POFUT2: variants seen among roughly 807,000 people sequenced by gnomAD.
POFUT2 encodes the protein GDP-fucose protein O-fucosyltransferase 2.
POFUT2 carries 30 observed loss-of-function variants against 55.0 expected under a neutral mutation model. The observed-to-expected ratio is 0.55, with a 90% CI of 0.41 to 0.74. The LOEUF (loss-of-function observed/expected upper bound fraction) is 0.74, where lower values mean the gene tolerates loss of function less well. POFUT2 is among the 30% of genes least tolerant of loss of function. POFUT2 has a pLI of 0.00. For missense variants in POFUT2, 524 were observed against 562.6 expected (o/e 0.93, Z 0.69); for synonymous variants, 267 against 231.1 (o/e 1.16, Z -1.41).
rs140138066 is a variant in POFUT2 at position 45,275,787 on chromosome 21, G to A, written c.831+1230C>T. ...GATAAAAGACTACACATTGGGGACA[G>A]TGTACACTGCTCGGGTGATGGGTGT... On this transcript the variant is annotated intron_variant, in intron 6 of 8. Transcript: ENST00000349485. Among the ~76,000 whole-genome samples the A allele has an allele frequency of 6.2e-4, 94 of 152,286 alleles. 1 individual carries two copies. In the East Asian group the frequency reaches 0.017, roughly 28 times the overall value.
Position 45,282,568 on chromosome 21 carries a change from C to T in POFUT2, c.528-109G>A, listed in dbSNP as rs556908201. 1.6e-5 allele frequency: 11 copies of T among 707,570 alleles called. No homozygotes were observed. In the South Asian group the frequency reaches 1.6e-4, roughly 10 times the overall value. The allele number at this position is 707,570 out of a possible 1,614,324, so 43.8% of individuals were successfully genotyped here. A position where few individuals can be genotyped will look rare whatever the true frequency, so the allele number is the denominator to read the frequency against. On this transcript the variant is annotated intron_variant, in intron 3 of 8. Transcript: ENST00000349485. The surrounding 1 kb of genome is among the most constrained non-coding windows in gnomAD (Gnocchi z 4.6). ...GTGGCTTGCTCCTGATGAAACGCGG[C>T]TGCTTTAGGAAAACTTACTGATCGT...
chr21:45,277,819 A>G lies in POFUT2; in HGVS notation c.705+284T>C. Reference sequence around the variant, plus strand: ...GGGTCTACGTTCCAGCCACTGACGGAGTCACTGACTCCGGGGCTGACTCCA... The same window carrying G: ...GGGTCTACGTTCCAGCCACTGACGGGGTCACTGACTCCGGGGCTGACTCCA... On this transcript the variant is annotated intron_variant, in intron 5 of 8. Transcript: ENST00000349485. The surrounding 1 kb of genome is among the most constrained non-coding windows in gnomAD (Gnocchi z 6.9). 1 of 502,394 alleles carries G rather than the reference A, an allele frequency of 2.0e-6. No homozygotes were observed. Among genetic ancestry groups the G allele is most frequent in the African/African-American group, 1.9e-5 (1 of 51,616 alleles). The allele number at this position is 502,394 out of a possible 1,614,324, so 31.1% of individuals were successfully genotyped here.
chr21:45,270,502 A>G lies in POFUT2; in HGVS notation c.832-483T>C, dbSNP rs1269120725. On this transcript the variant is annotated intron_variant, in intron 6 of 8. Coordinates refer to ENST00000349485, the MANE Select transcript of POFUT2 (RefSeq NM_133635.6). This position sits in a 1 kb window ranked among gnomAD's most constrained non-coding sequence, Gnocchi z 4.6. ...ACCCTGCTCCAAGGAAGGAGAAAGC[A>G]ACAGCTAATCCCACCACCTGCAACC... is the stretch of plus-strand genomic sequence containing the variant. Among the ~76,000 whole-genome samples, 3 of 152,194 alleles carry G rather than the reference A, an allele frequency of 2.0e-5. No individual in the cohort carries two copies. The highest frequency in any genetic ancestry group is 6.5e-5 in the Admixed American group (1 of 15,290).
At chr21:45,279,342 C>T (rs2030281598) in intron 4 of POFUT2, among the ~76,000 whole-genome samples, 5 of 152,080 alleles carry the variant, frequency 3.3e-5, no homozygotes, top group Admixed American at 2.0e-4. Flanking sequence ...TTGCAGTGAG[C>T]CGAGATCGCG....
chr21:45,266,816 G>A (rs1210394123), intron 8 of POFUT2: 11 of 998,544 alleles, frequency 1.1e-5, no homozygotes, highest in Middle Eastern at 5.1e-4. Context: ...AGAGACGCAC[G>A]CGTGTGCACA....
rs972233224 is a variant in POFUT2 at position 45,282,896 on chromosome 21, C to T, written c.528-437G>A. ...ACAGGAGGCCTGGTAGTGTCAGAGC[C>T]TTTAATGGCAATCGACACTTGGGAC... On this transcript the variant is annotated intron_variant, in intron 3 of 8. Transcript: ENST00000349485. The surrounding 1 kb of genome is among the most constrained non-coding windows in gnomAD (Gnocchi z 4.6). 1 of 475,580 alleles carries T rather than the reference C, an allele frequency of 2.1e-6. No homozygotes were observed. 29.5% of individuals were successfully genotyped at this position (475,580 alleles called of 1,614,324 possible).
chr21:45,268,542 A>G (rs1376073092), intron 7 of POFUT2, among the ~76,000 whole-genome samples: 7 of 139,260 alleles, frequency 5.0e-5, no homozygotes, highest in East Asian at 2.1e-4. Flanking sequence ...AGTGAGGAGC[A>G]CCTCTTTCCG....
rs536910856 is a variant in POFUT2, at chr21:45,285,988, C to T, written c.132-60G>A. On this transcript the variant is annotated intron_variant, in intron 1 of 8. Transcript: ENST00000349485. The surrounding 1 kb of genome is among the most constrained non-coding windows in gnomAD (Gnocchi z 4.9). ...TGCTGAGGTTTCTGCACGGAAAACC[C>T]GACTGCTCACAAGTCTCAGCGCGTG... 6.0e-4 allele frequency: 893 copies of T among 1,497,104 alleles called. 13 individuals carry two copies. The South Asian group carries it at 0.01, about 17-fold the overall frequency. 92.7% of individuals were successfully genotyped at this position (1,497,104 alleles called of 1,614,324 possible).
intron 8 of POFUT2, chr21:45,266,499 C>G (rs1049924441): frequency 5.4e-6 from 6 of 1,103,144 alleles, no homozygotes; most frequent in Non-Finnish European, 6.7e-6. Flanking sequence ...CTCCCCACAG[C>G]AGGCTTCCTG....
In POFUT2 at chr21:45,281,983, G is replaced by A. The variant is rs564245174; in HGVS notation, c.638+366C>T. Among the ~76,000 whole-genome samples the A allele has an allele frequency of 1.3e-5, 2 of 152,236 alleles. No individual in the cohort carries two copies. Among genetic ancestry groups the A allele is most frequent in the East Asian group, 1.9e-4 (1 of 5,156 alleles). ...GAAAACAGATCAAACAGTGGGTGTT[G>A]GGTGTGGGGAGGGGGGAGGTACTGG... On this transcript the variant is annotated intron_variant, in intron 4 of 8. Coordinates refer to ENST00000349485, the MANE Select transcript of POFUT2 (RefSeq NM_133635.6). The surrounding 1 kb of genome is among the most constrained non-coding windows in gnomAD (Gnocchi z 5.0).
intron 6 of POFUT2, among the ~76,000 whole-genome samples, chr21:45,276,571 G>GA (rs1232692716): frequency 6.6e-6 from 1 of 152,218 alleles, no homozygotes; most frequent in Non-Finnish European, 1.5e-5. Context: ...CAAAGAATAA[G>GA]AAAAGGATGA....
At chr21:45,266,311 G>A (rs1332635495) in intron 8 of POFUT2, 2 of 1,364,952 alleles carry the variant, frequency 1.5e-6, no homozygotes, top group Admixed American at 1.9e-5. Context: ...AGGGCCAGCA[G>A]GCCACACAGG....
In POFUT2 at chr21:45,267,113, G is replaced by A. The variant is rs554082427; in HGVS notation, c.1136+477C>T. 63 of 1,187,976 alleles carry A rather than the reference G, an allele frequency of 5.3e-5. No individual in the cohort carries two copies. The highest frequency in any genetic ancestry group is 4.4e-4 in the South Asian group (24 of 54,706). The allele number at this position is 1,187,976 out of a possible 1,614,324, so 73.6% of individuals were successfully genotyped here. A position where few individuals can be genotyped will look rare whatever the true frequency, so the allele number is the denominator to read the frequency against. On this transcript the variant is annotated intron_variant, in intron 8 of 8. Coordinates refer to ENST00000349485, the MANE Select transcript of POFUT2 (RefSeq NM_133635.6). The surrounding 1 kb of genome is among the most constrained non-coding windows in gnomAD (Gnocchi z 4.4). ...GGCAGCCCCACAAGAACGATCACAC[G>A]AGGGCCCATGCTCCCAGCCTTGGGG...
At position 45,285,976 on chromosome 21, in the gene POFUT2, G is replaced by A. The variant is rs764447862; in HGVS notation, c.132-48C>T. The A allele has an allele frequency of 4.5e-6, 7 of 1,545,866 alleles. No homozygotes were observed. The South Asian group carries it at 7.1e-5, about 16-fold the overall frequency. ...ACAGGTCTCAAATGCTGAGGTTTCT[G>A]CACGGAAAACCCGACTGCTCACAAG... On this transcript the variant is annotated intron_variant, in intron 1 of 8. Transcript: ENST00000349485. The surrounding 1 kb of genome is among the most constrained non-coding windows in gnomAD (Gnocchi z 4.9).
At chr21:45,266,916 G>A in intron 8 of POFUT2, 1 of 1,024,504 alleles carries the variant, frequency 9.8e-7, no homozygotes, top group Non-Finnish European at 1.2e-6. Context: ...CATCTCCTAT[G>A]CAGATGGGCA....
At position 45,265,407 on chromosome 21, in the gene POFUT2, C is replaced by T. The variant is rs930702952; in HGVS notation, c.*75G>A. ...CGCCCAGCTCCCGGCTGGCAGTAGACGGTGACTCCACGGCGACAGAACCTG... is the reference window on the plus strand; with the variant it reads ...CGCCCAGCTCCCGGCTGGCAGTAGATGGTGACTCCACGGCGACAGAACCTG... On this transcript the variant is annotated 3_prime_UTR_variant, in exon 9 of 9. Transcript: ENST00000349485. The surrounding 1 kb of genome is among the most constrained non-coding windows in gnomAD (Gnocchi z 4.6). 1.0e-5 allele frequency: 14 copies of T among 1,373,602 alleles called. No homozygotes were observed. Among genetic ancestry groups the T allele is most frequent in the African/African-American group, 4.3e-5 (3 of 69,212 alleles). The allele number at this position is 1,373,602 out of a possible 1,614,324, so 85.1% of individuals were successfully genotyped here.
chr21:45,274,060 G>C (rs2093241811), intron 6 of POFUT2, among the ~76,000 whole-genome samples: 1 of 152,034 alleles, frequency 6.6e-6, no homozygotes, highest in Non-Finnish European at 1.5e-5. Flanking sequence ...GTATACCTAG[G>C]AAACCCTAAA....
Position 45,267,979 on chromosome 21 carries a change from T to TCTCCTTCTCCCTCTCCCTCTCCCC in POFUT2, c.1013-290_1013-267dup, listed in dbSNP as rs1249898262. Among the ~76,000 whole-genome samples, 1 of 151,788 alleles carries TCTCCTTCTCCCTCTCCCTCTCCCC rather than the reference T, an allele frequency of 6.6e-6. No individual in the cohort carries two copies. The highest frequency in any genetic ancestry group is 1.9e-4 in the East Asian group (1 of 5,164). ...AGGAAAGAAACGTGCTCCCTCTCCC[T>TCTCCTTCTCCCTCTCCCTCTCCCC]CTCCTTCTCCCTCTCCCTCTCCCCA... On this transcript the variant is annotated intron_variant, in intron 7 of 8. Transcript: ENST00000349485. The surrounding 1 kb of genome is among the most constrained non-coding windows in gnomAD (Gnocchi z 4.4).
chr21:45,270,308 C>T lies in POFUT2; in HGVS notation c.832-289G>A, dbSNP rs1371990757. On this transcript the variant is annotated intron_variant, in intron 6 of 8. Transcript: ENST00000349485. The surrounding 1 kb of genome is among the most constrained non-coding windows in gnomAD (Gnocchi z 4.6). ...GAGGCTCACGCTGTGAACTTTTCCTCCGAGAACCACCGCAGGGACGTGCCA... is the reference window on the plus strand; with the variant it reads ...GAGGCTCACGCTGTGAACTTTTCCTTCGAGAACCACCGCAGGGACGTGCCA... Among the ~76,000 whole-genome samples, 1 of 152,170 alleles carries T rather than the reference C, an allele frequency of 6.6e-6. No homozygotes were observed. The highest frequency in any genetic ancestry group is 1.5e-5 in the Non-Finnish European group (1 of 68,030).
Sources: allele counts gnomAD v4.1 joint callset (sites outside exome capture counted in the v4.1 genomes callset), GRCh38; gene constraint gnomAD v4.1.1; non-coding constraint Gnocchi (gnomAD v3.1); transcripts MANE v1.5; gene names NCBI Gene and HGNC (gene_info 2026-07-23, HGNC 2026-07-21).